Variants in HIVEP2 observed in about 807,000 individuals in gnomAD.
HIVEP2 encodes transcription factor HIVEP2.
A neutral mutation model predicts 180.7 loss-of-function variants in HIVEP2; 14 were observed. The ratio of observed to expected loss-of-function variants is 0.08; its 90% confidence interval spans 0.05 to 0.12. HIVEP2 has a LOEUF of 0.12. HIVEP2 is among the 10% of genes least tolerant of loss of function. The pLI is 1.00. For missense variants in HIVEP2, 2,579 were observed against 3,008.5 expected (o/e 0.86, Z 3.34); for synonymous variants, 1,184 against 1,136.4 (o/e 1.04, Z -0.84).
chr6:142,835,425 T>G (rs1775197473), intron 2 of HIVEP2, among the ~76,000 whole-genome samples: 1 of 152,064 alleles, frequency 6.6e-6, no homozygotes, highest in African/African-American at 2.4e-5. Flanking sequence ...ACTTTGGAAA[T>G]AACTGTAAAA....
At position 142,772,206 on chromosome 6, in the gene HIVEP2, G is replaced by A. The variant is rs774269583; in HGVS notation, c.2533C>T (p.Pro845Ser). 3.7e-6 allele frequency: 6 copies of A among 1,614,022 alleles called. No individual in the cohort carries two copies. Among genetic ancestry groups the A allele is most frequent in the Non-Finnish European group, 5.1e-6 (6 of 1,180,030 alleles). Residue 845 changes from proline (P) to serine (S), a missense_variant, in exon 5 of 10, where the codon CCA becomes TCA. Pro to Ser is a moderately conservative substitution (Grantham distance 74, BLOSUM62 -1). Around this residue, in one of 11 missense-constraint regions of HIVEP2, gnomAD observed 524 missense variants for 563.6 expected, o/e 0.93. Transcript: ENST00000367603. The surrounding 1 kb of genome is among the most constrained non-coding windows in gnomAD (Gnocchi z 4.9). Reference sequence around the variant, plus strand: ...GGTGGAGCCCACTCAGGACTCACTGGGGCTTCTGAAATCTCACTGTCACAA... The same window carrying A: ...GGTGGAGCCCACTCAGGACTCACTGAGGCTTCTGAAATCTCACTGTCACAA... ...ETCDSEISEA[P>S]VSPEWAPPGD...
intron 1 of HIVEP2, among the ~76,000 whole-genome samples, chr6:142,849,525 T>A (rs190937308): frequency 0.014 from 2,063 of 151,924 alleles, 27 homozygotes; most frequent in African/African-American, 0.017. Context: ...TTATTTTTTT[T>A]TTTTTTTGAG....
chr6:142,833,898 T>C (rs186327593), intron 2 of HIVEP2, among the ~76,000 whole-genome samples: 4 of 152,298 alleles, frequency 2.6e-5, no homozygotes, highest in Admixed American at 1.3e-4. Context: ...TAGCCTCTTC[T>C]GTTATCTCAA....
intron 1 of HIVEP2, among the ~76,000 whole-genome samples, chr6:142,941,753 C>T (rs1395839706): frequency 6.6e-6 from 1 of 152,152 alleles, no homozygotes; most frequent in Non-Finnish European, 1.5e-5. Flanking sequence ...AAAGTTGTAA[C>T]AGTTAAATAC....
chr6:142,818,763 AAG>A (rs1162133808), intron 2 of HIVEP2, among the ~76,000 whole-genome samples: 2 of 147,888 alleles, frequency 1.4e-5, no homozygotes, highest in African/African-American at 5.1e-5. Flanking sequence ...GAAAGAAAGA[AAG>A]AAAGAAAGAA....
intron 2 of HIVEP2, among the ~76,000 whole-genome samples, chr6:142,820,833 G>T (rs967612146): frequency 1.3e-5 from 2 of 152,098 alleles, no homozygotes; most frequent in African/African-American, 4.8e-5. Flanking sequence ...GTACATAACA[G>T]AATCTGGCCA....
At chr6:142,817,746 G>T (rs1165931618) in intron 2 of HIVEP2, among the ~76,000 whole-genome samples, 1 of 152,138 alleles carries the variant, frequency 6.6e-6, no homozygotes, top group Non-Finnish European at 1.5e-5. Flanking sequence ...GGCTGGGTAG[G>T]ATGGCTCACA....
intron 1 of HIVEP2, among the ~76,000 whole-genome samples, chr6:142,908,616 A>G (rs184320370): frequency 6.6e-6 from 1 of 152,298 alleles, no homozygotes; most frequent in East Asian, 1.9e-4. Context: ...CTTTGGAACT[A>G]GAAAAATTTA....
chr6:142,879,473 A>G (rs1416825630), intron 1 of HIVEP2, among the ~76,000 whole-genome samples: 1 of 152,012 alleles, frequency 6.6e-6, no homozygotes, highest in African/African-American at 2.4e-5. Context: ...CCATCCTCCA[A>G]CCTCTTGAGC....
Position 142,771,800 on chromosome 6 carries a change from G to A in HIVEP2, c.2939C>T (p.Ser980Phe), listed in dbSNP as rs1775553239. 6.2e-7 allele frequency: 1 copy of A among 1,614,230 alleles called. No individual in the cohort carries two copies. Among genetic ancestry groups the A allele is most frequent in the Non-Finnish European group, 8.5e-7 (1 of 1,180,052 alleles). Reference sequence around the variant, plus strand: ...GGTTTCTTCTCTTTCAAAAGACATGGAGAAACTGGAGCTGTGGGACAAGTT... The same window carrying A: ...GGTTTCTTCTCTTTCAAAAGACATGAAGAAACTGGAGCTGTGGGACAAGTT... ...ESNLSHSSSF[S>F]MSFEREETSK... The change falls in exon 5 of 10, where the codon TCC becomes TTC. Residue 980 changes from serine to phenylalanine, a missense_variant. Transcript: ENST00000367603. This position sits in a 1 kb window ranked among gnomAD's most constrained non-coding sequence, Gnocchi z 5.4.
chr6:142,888,915 T>A (rs183085104), intron 1 of HIVEP2, among the ~76,000 whole-genome samples: 1 of 152,146 alleles, frequency 6.6e-6, no homozygotes, highest in Admixed American at 6.5e-5. Flanking sequence ...CAAAAATGAG[T>A]TGTAGAAAAC....
chr6:142,817,674 A>G (rs1776878867), intron 2 of HIVEP2, among the ~76,000 whole-genome samples: 1 of 152,228 alleles, frequency 6.6e-6, no homozygotes, highest in Non-Finnish European at 1.5e-5. Context: ...AAGTGAAGAT[A>G]AGAATCTGCC....
intron 3 of HIVEP2, among the ~76,000 whole-genome samples, chr6:142,782,453 A>C (rs1775882306): frequency 6.6e-6 from 1 of 152,242 alleles, no homozygotes; most frequent in Non-Finnish European, 1.5e-5. Context: ...CCAAGAAAGA[A>C]GGCGTGATGA....
chr6:142,865,132 G>A (rs1028188124), intron 1 of HIVEP2, among the ~76,000 whole-genome samples: 1 of 152,104 alleles, frequency 6.6e-6, no homozygotes, highest in Non-Finnish European at 1.5e-5. Flanking sequence ...TCTCTTGATA[G>A]CTACTATTGC....
chr6:142,810,561 T>C (rs535450724), intron 2 of HIVEP2, among the ~76,000 whole-genome samples: 11 of 151,842 alleles, frequency 7.2e-5, no homozygotes, highest in Non-Finnish European at 1.6e-4. Flanking sequence ...CAGGAGTTTG[T>C]GGTCAGTATA....
rs751162519 is a variant in HIVEP2 at position 142,771,387 on chromosome 6, C to T, written c.3352G>A (p.Gly1118Arg). The T allele has an allele frequency of 3.5e-5, 56 of 1,612,876 alleles. No homozygotes were observed. Among genetic ancestry groups the T allele is most frequent in the Non-Finnish European group, 4.4e-5 (52 of 1,179,950 alleles). The change falls in exon 5 of 10, where the codon GGG becomes AGG. Residue 1118 changes from glycine (G) to arginine (R), a missense_variant. By Grantham distance (125) the Gly-to-Arg change is moderately radical. Around this residue, in one of 11 missense-constraint regions of HIVEP2, gnomAD observed 523 missense variants for 577.0 expected, o/e 0.91. Transcript: ENST00000367603. This position sits in a 1 kb window ranked among gnomAD's most constrained non-coding sequence, Gnocchi z 5.4. Reference protein sequence around the residue: ...LEHLHAGLRSGWHHGPPAVLP... With the variant: ...LEHLHAGLRSRWHHGPPAVLP... ...ACAGCAGGCGGGCCATGGTGCCACC[C>T]GGACCGGAGGCCAGCATGCAGGTGC...
intron 9 of HIVEP2, 105 bp from the exon 10 acceptor site, chr6:142,754,036 TA>T (rs2114586489): frequency 1.6e-6 from 1 of 609,534 alleles, no homozygotes; most frequent in Non-Finnish European, 2.9e-6. Context: ...ATTCACTACC[TA>T]GAGAGGCTTC....
At chr6:142,931,033 T>A (rs1402919056) in intron 1 of HIVEP2, among the ~76,000 whole-genome samples, 1 of 152,102 alleles carries the variant, frequency 6.6e-6, no homozygotes, top group East Asian at 1.9e-4. Context: ...AATTATTAAA[T>A]CTCAACTCTC....
Position 142,923,255 on chromosome 6 carries a change from C to T in HIVEP2, c.-641+21844G>A, listed in dbSNP as rs942806058. On this transcript the variant is annotated intron_variant, in intron 1 of 9. Transcript: ENST00000367603. ...GCTGAGGTAGGGAATTGCTTGAATC[C>T]GGGAGGCGGAGGTTGCAGTGAGCTG... Among the ~76,000 whole-genome samples, 4 of 151,680 alleles carry T rather than the reference C, an allele frequency of 2.6e-5. No individual in the cohort carries two copies. In the East Asian group the frequency reaches 5.8e-4, roughly 22 times the overall value.
Sources: allele counts gnomAD v4.1 joint callset (sites outside exome capture counted in the v4.1 genomes callset), GRCh38; gene constraint gnomAD v4.1.1; regional missense constraint gnomAD v4.1.1; non-coding constraint Gnocchi (gnomAD v3.1); transcripts MANE v1.5; gene names NCBI Gene and HGNC (gene_info 2026-07-23, HGNC 2026-07-21).